The following JMJD1C variants were observed in gnomAD, a reference collection of about 807,000 sequenced individuals.
The protein encoded by JMJD1C is jumonji domain-containing protein 1C.
A neutral mutation model predicts 245.3 loss-of-function variants in JMJD1C; 31 were observed. That is an observed-to-expected ratio of 0.13 (90% CI 0.09 to 0.17). The LOEUF is 0.17. Ranked by LOEUF, JMJD1C falls within the 10% of genes least tolerant of loss-of-function variation. JMJD1C has a pLI of 1.00. For synonymous variants in JMJD1C, 1,057 were observed against 1,017.4 expected, an observed-to-expected ratio of 1.04 and a Z score of -0.74; for missense variants, 2,691 against 3,000.2, an observed-to-expected ratio of 0.90 and a Z score of 2.41.
At chr10:63,168,684 A>C (rs1842066796) in intron 24 of JMJD1C, 118 bp from the exon 25 acceptor site, 2 of 867,092 alleles carry the variant, frequency 2.3e-6, no homozygotes, top group Non-Finnish European at 3.2e-6. Context: ...TACTTTCTCC[A>C]AAACATCAAA....
chr10:63,313,680 G>A (rs1478390981), intron 2 of JMJD1C, among the ~76,000 whole-genome samples: 1 of 152,184 alleles, frequency 6.6e-6, no homozygotes, highest in Admixed American at 6.5e-5. Context: ...GCATTTCCCT[G>A]ATCATTAGTG....
At chr10:63,326,024 A>G (rs1449542558) in intron 2 of JMJD1C, among the ~76,000 whole-genome samples, 1 of 152,240 alleles carries the variant, frequency 6.6e-6, no homozygotes, top group African/African-American at 2.4e-5. Flanking sequence ...ACAAAGATGC[A>G]TATGTGAGCA....
In JMJD1C at chr10:63,486,181, A is replaced by G. The variant is rs144930116; in HGVS notation, n.113+35557T>C. Reference sequence around the variant, plus strand: ...AAAAAAAAAAAAACAAAAAACAGAAAACTTGAGAGAGCATGCCACATGTGA... The same window carrying G: ...AAAAAAAAAAAAACAAAAAACAGAAGACTTGAGAGAGCATGCCACATGTGA... On this transcript the variant is annotated intron_variant and non_coding_transcript_variant, in intron 1 of 3. Transcript: ENST00000633035. Among the ~76,000 whole-genome samples the G allele has an allele frequency of 3.2e-3, 462 of 145,572 alleles. 1 individual carries two copies. Among genetic ancestry groups the G allele is most frequent in the African/African-American group, 0.011 (440 of 39,796 alleles).
At chr10:63,339,552 A>G (rs996621772) in intron 2 of JMJD1C, among the ~76,000 whole-genome samples, 23 of 152,174 alleles carry the variant, frequency 1.5e-4, no homozygotes, top group African/African-American at 5.5e-4. Context: ...AGAGGCAGGG[A>G]TGGGAGGATC....
intron 1 of JMJD1C, among the ~76,000 whole-genome samples, chr10:63,509,002 T>C (rs935330799): frequency 6.6e-6 from 1 of 152,246 alleles, no homozygotes; most frequent in African/African-American, 2.4e-5. Context: ...TCTTGCCTTG[T>C]GCTTAATCTT....
intron 1 of JMJD1C, among the ~76,000 whole-genome samples, chr10:63,516,508 T>C (rs1190576045): frequency 6.6e-6 from 1 of 152,242 alleles, no homozygotes; most frequent in Non-Finnish European, 1.5e-5. Flanking sequence ...CTTAAAACCC[T>C]GATTTAATCT....
chr10:63,323,509 GA>G (rs897714788), intron 2 of JMJD1C, among the ~76,000 whole-genome samples: 1 of 152,040 alleles, frequency 6.6e-6, no homozygotes, highest in Non-Finnish European at 1.5e-5. Context: ...GACAGAGCAA[GA>G]CTGTTTCAAA....
chr10:63,420,822 A>G (rs1410314372), intron 1 of JMJD1C, among the ~76,000 whole-genome samples: 1 of 152,112 alleles, frequency 6.6e-6, no homozygotes, highest in African/African-American at 2.4e-5. Context: ...AGAAAGTAAA[A>G]GGAAAGAAAA....
At chr10:63,276,382 C>T (rs976402260) in intron 2 of JMJD1C, among the ~76,000 whole-genome samples, 6 of 147,252 alleles carry the variant, frequency 4.1e-5, no homozygotes, top group East Asian at 2.1e-4. Flanking sequence ...AGGAGAATGG[C>T]GTGAACCTGG....
chr10:63,338,900 C>T (rs1459268962), intron 2 of JMJD1C, among the ~76,000 whole-genome samples: 1 of 152,088 alleles, frequency 6.6e-6, no homozygotes, highest in African/African-American at 2.4e-5. Context: ...CCACCCGCCT[C>T]AGCCTCCCAA....
intron 1 of JMJD1C, among the ~76,000 whole-genome samples, chr10:63,487,808 G>C (rs1954045389): frequency 6.6e-6 from 1 of 152,184 alleles, no homozygotes; most frequent in Admixed American, 6.5e-5. Flanking sequence ...GGAATAATGT[G>C]ATAGACTTTG....
At chr10:63,208,946 AAACAG>A in intron 9 of JMJD1C, 112 bp downstream of exon 9, 1 of 1,115,578 alleles carries the variant, frequency 9.0e-7, no homozygotes, top group Non-Finnish European at 1.3e-6. Flanking sequence ...AGAAATATCA[AAACAG>A]AACAAAGCCT....
At chr10:63,173,942 T>A (rs184544765) in intron 24 of JMJD1C, among the ~76,000 whole-genome samples, 5 of 152,114 alleles carry the variant, frequency 3.3e-5, no homozygotes, top group Non-Finnish European at 7.4e-5. Context: ...TATAAAAAGA[T>A]GCCCAATGTT....
At chr10:63,201,596 T>C (rs557929404) in intron 10 of JMJD1C, among the ~76,000 whole-genome samples, 43 of 152,266 alleles carry the variant, frequency 2.8e-4, no homozygotes, top group African/African-American at 9.9e-4. Flanking sequence ...ACTCCAAAAA[T>C]TAAATGTTGT....
At chr10:63,189,891 CA>C (rs1844565025) in intron 17 of JMJD1C, among the ~76,000 whole-genome samples, 1 of 148,440 alleles carries the variant, frequency 6.7e-6, no homozygotes, top group Admixed American at 6.7e-5. Context: ...TATATATACA[CA>C]TTTTTTTTTT....
At chr10:63,367,419 T>A (rs1390118154) in intron 2 of JMJD1C, among the ~76,000 whole-genome samples, 1 of 152,050 alleles carries the variant, frequency 6.6e-6, no homozygotes, top group Non-Finnish European at 1.5e-5. Flanking sequence ...GCTAATTTTG[T>A]ACTTTTAGGA....
At chr10:63,499,141 C>T (rs1460858289) in intron 1 of JMJD1C, among the ~76,000 whole-genome samples, 1 of 152,116 alleles carries the variant, frequency 6.6e-6, no homozygotes, top group African/African-American at 2.4e-5. Flanking sequence ...AGGTTGATTC[C>T]ACATCTTGGT....
At chr10:63,222,728 T>C (rs975377255) in intron 3 of JMJD1C, 9 of 1,536,860 alleles carry the variant, frequency 5.9e-6, no homozygotes, top group Non-Finnish European at 6.3e-6. Flanking sequence ...CTTGGATCTT[T>C]ATATAGGATT....
chr10:63,253,882 A>G (rs74137707), intron 3 of JMJD1C, among the ~76,000 whole-genome samples: 1,543 of 152,076 alleles, frequency 0.01, 26 homozygotes, highest in African/African-American at 0.035. Context: ...TACTTACTAC[A>G]TTTTGCTTAT....
Sources: gnomAD v4.1 joint callset for allele counts (sites outside exome capture counted in the v4.1 genomes callset) on GRCh38, gnomAD v4.1.1 for gene constraint, MANE v1.5 for transcripts, NCBI Gene and HGNC (gene_info 2026-07-23, HGNC 2026-07-21) for gene names.